Variants in TASP1 observed in about 807,000 individuals in gnomAD.
TASP1 encodes the protein threonine aspartase 1.
Under a neutral mutation model 56.6 loss-of-function variants are expected in TASP1, and 16 were observed. That is an observed-to-expected ratio of 0.28 (90% confidence interval 0.19 to 0.43). The LOEUF (loss-of-function observed/expected upper bound fraction) is 0.43, where lower values mean the gene tolerates loss of function less well. Among genes scored for constraint, TASP1 ranks in the 20% least tolerant of loss-of-function variants. The pLI, the probability that TASP1 is intolerant of heterozygous loss-of-function variation, is 1.00. For synonymous variants in TASP1, 179 were observed against 184.2 expected, an observed-to-expected ratio of 0.97 and a Z score of 0.23; for missense variants, 393 against 511.6, an observed-to-expected ratio of 0.77 and a Z score of 2.24.
the TASP1 span, among the ~76,000 whole-genome samples, chr20:13,134,794 AG>A: frequency 6.6e-6 from 1 of 152,260 alleles, no homozygotes; most frequent in Non-Finnish European, 1.5e-5. Context: ...GAAGAAGAGC[AG>A]GCAGAAGAAT....
At chr20:13,105,183 A>G in the TASP1 span, among the ~76,000 whole-genome samples, 1 of 152,178 alleles carries the variant, frequency 6.6e-6, no homozygotes, top group African/African-American at 2.4e-5. Context: ...AGGTGGGGCC[A>G]GAATCCAGGC....
intron 12 of TASP1, among the ~76,000 whole-genome samples, chr20:13,428,619 A>G (rs1355846825): frequency 6.6e-5 from 10 of 152,186 alleles, no homozygotes; most frequent in Non-Finnish European, 8.8e-5. Flanking sequence ...GGGCTTTGTC[A>G]GCATCTCATG....
the TASP1 span, among the ~76,000 whole-genome samples, chr20:13,158,928 C>T: frequency 1.6e-4 from 25 of 152,324 alleles, no homozygotes; most frequent in East Asian, 3.9e-3. Context: ...CTGTCAGCTT[C>T]CAGCCTAAAA....
the TASP1 span, among the ~76,000 whole-genome samples, chr20:13,113,170 G>A: frequency 1.4e-4 from 22 of 152,116 alleles, no homozygotes; most frequent in African/African-American, 5.3e-4. Flanking sequence ...GAGACAGAGA[G>A]AGACTCTGTC....
chr20:13,589,992 G>A (rs567537624), intron 4 of TASP1, among the ~76,000 whole-genome samples: 168 of 152,298 alleles, frequency 1.1e-3, no homozygotes, highest in African/African-American at 3.8e-3. Flanking sequence ...AGCACTTTGG[G>A]AGGCCGAGGC....
chr20:13,239,870 T>G, the TASP1 span, among the ~76,000 whole-genome samples: 1 of 152,238 alleles, frequency 6.6e-6, no homozygotes, highest in African/African-American at 2.4e-5. Context: ...GCAAGTCATC[T>G]TTCATGAAGC....
At chr20:13,146,117 C>T in the TASP1 span, among the ~76,000 whole-genome samples, 1 of 152,188 alleles carries the variant, frequency 6.6e-6, no homozygotes, top group Admixed American at 6.5e-5. Flanking sequence ...AAGATCATGT[C>T]TTTTGCAGGA....
intron 1 of TASP1, among the ~76,000 whole-genome samples, chr20:13,638,254 C>T (rs368045000): frequency 6.6e-6 from 1 of 151,970 alleles, no homozygotes; most frequent in African/African-American, 2.4e-5. Context: ...ATCTAATGGC[C>T]CCTAACACAC....
the TASP1 span, among the ~76,000 whole-genome samples, chr20:13,114,067 G>A: frequency 6.6e-6 from 1 of 152,182 alleles, no homozygotes; most frequent in Non-Finnish European, 1.5e-5. Context: ...TGGCCCTGAT[G>A]GGACAAAGGC....
At chr20:13,421,123 T>C (rs1285742227) in intron 12 of TASP1, among the ~76,000 whole-genome samples, 1 of 150,546 alleles carries the variant, frequency 6.6e-6, no homozygotes, top group Non-Finnish European at 1.5e-5. Flanking sequence ...TTTTTTTTTT[T>C]TTTTTTTAAG....
the TASP1 span, among the ~76,000 whole-genome samples, chr20:13,184,219 T>G: frequency 1.3e-5 from 2 of 152,012 alleles, no homozygotes; most frequent in East Asian, 3.9e-4. Context: ...AGGTTATAAA[T>G]CAAGCAATAG....
intron 4 of TASP1, among the ~76,000 whole-genome samples, chr20:13,605,287 C>T (rs965425755): frequency 1.3e-5 from 2 of 151,892 alleles, no homozygotes; most frequent in African/African-American, 4.8e-5. Context: ...TTGTCGAAAC[C>T]CATCAAATTG....
rs1475580960 is a variant in TASP1 at position 13,389,454 on chromosome 20, A to C, written c.*906T>G. 1 of 152,284 alleles carries C rather than the reference A, an allele frequency of 6.6e-6. No homozygotes were observed. The highest frequency in any genetic ancestry group is 2.4e-5 in the African/African-American group (1 of 41,464). The allele number at this position is 152,284 out of a possible 1,614,324, so 9.4% of individuals were successfully genotyped here. ...GGAGTCACATACTATACCCAGTAATACGCTTCTTTTATTTTTGTGCCTTTA... is the reference window on the plus strand; with the variant it reads ...GGAGTCACATACTATACCCAGTAATCCGCTTCTTTTATTTTTGTGCCTTTA... On this transcript the variant is annotated 3_prime_UTR_variant, in exon 14 of 14. Coordinates refer to ENST00000337743, the MANE Select transcript of TASP1 (RefSeq NM_017714.3).
At chr20:13,346,612 G>A in the TASP1 span, among the ~76,000 whole-genome samples, 2 of 152,236 alleles carry the variant, frequency 1.3e-5, no homozygotes, top group Non-Finnish European at 2.9e-5. Context: ...AGCGATGGAA[G>A]GGGAGAGTCC....
chr20:13,330,369 A>G, the TASP1 span, among the ~76,000 whole-genome samples: 3 of 152,280 alleles, frequency 2.0e-5, no homozygotes, highest in African/African-American at 7.2e-5. Flanking sequence ...TTAGTCTTAC[A>G]TTTCCTAGCT....
At chr20:13,137,079 C>T in the TASP1 span, among the ~76,000 whole-genome samples, 1 of 151,934 alleles carries the variant, frequency 6.6e-6, no homozygotes, top group South Asian at 2.1e-4. Context: ...CTAAGTCCCC[C>T]AATCATTGTG....
chr20:13,437,089 C>A (rs897610656), intron 11 of TASP1, among the ~76,000 whole-genome samples: 34 of 152,178 alleles, frequency 2.2e-4, no homozygotes, highest in Admixed American at 2.0e-3. Flanking sequence ...CCCTGATGAA[C>A]ATCGATGCAA....
At chr20:13,474,507 T>C (rs2044647202) in intron 11 of TASP1, among the ~76,000 whole-genome samples, 1 of 152,238 alleles carries the variant, frequency 6.6e-6, no homozygotes, top group Non-Finnish European at 1.5e-5. Flanking sequence ...GGTGTGTATA[T>C]ACCATATTTT....
intron 5 of TASP1, among the ~76,000 whole-genome samples, chr20:13,586,795 ATTTT>A (rs1307974602): frequency 2.0e-5 from 3 of 152,162 alleles, no homozygotes; most frequent in African/African-American, 7.2e-5. Flanking sequence ...TAACACATTT[ATTTT>A]TTAAGAAAAC....
Sources: allele counts gnomAD v4.1 joint callset (sites outside exome capture counted in the v4.1 genomes callset), GRCh38; gene constraint gnomAD v4.1.1; transcripts MANE v1.5; gene names NCBI Gene and HGNC (gene_info 2026-07-23, HGNC 2026-07-21).